Variants in CCDC125 observed in about 807,000 individuals in gnomAD.
CCDC125 encodes the protein coiled-coil domain-containing protein 125.
In CCDC125, 43 loss-of-function variants were observed where a neutral mutation model predicts 57.4. The observed-to-expected ratio is 0.75, with a 90% CI of 0.59 to 0.97. The LOEUF (loss-of-function observed/expected upper bound fraction) is 0.97, where lower values mean the gene tolerates loss of function less well. CCDC125 is among the 50% of genes least tolerant of loss of function. The probability of loss-of-function intolerance (pLI) is 0.00; values close to 1 mark genes in which losing one functional copy is unlikely to be tolerated. For missense variants in CCDC125, 563 were observed against 595.7 expected, an observed-to-expected ratio of 0.95 and a Z score of 0.57; for synonymous variants, 187 against 195.2, an observed-to-expected ratio of 0.96 and a Z score of 0.35.
At chr5:69,276,754 G>T (rs918564930), downstream of CCDC125, 2 of 1,357,980 alleles carry the variant, frequency 1.5e-6, no homozygotes, top group Non-Finnish European at 2.1e-6. Flanking sequence ...CTCGTGTATG[G>T]CTAGCGACTG....
Position 69,313,712 on chromosome 5 carries a change from C to G in CCDC125, c.366+273G>C, listed in dbSNP as rs1419489080. On this transcript the variant is annotated intron_variant, in intron 3 of 11. Coordinates refer to ENST00000396496, the MANE Select transcript of CCDC125 (RefSeq NM_176816.5). Reference sequence around the variant, plus strand: ...GGTCCACATTGCCCACCAGTATCTCCTTGCCCTCCCCTTCAGGATGATGTT... The same window carrying G: ...GGTCCACATTGCCCACCAGTATCTCGTTGCCCTCCCCTTCAGGATGATGTT... 17 of 768,936 alleles carry G rather than the reference C, an allele frequency of 2.2e-5. 1 individual carries two copies. Among genetic ancestry groups the G allele is most frequent in the South Asian group, 5.4e-5 (4 of 74,166 alleles). The allele number at this position is 768,936 out of a possible 1,614,324, so 47.6% of individuals were successfully genotyped here.
intron 7 of CCDC125, among the ~76,000 whole-genome samples, chr5:69,300,800 A>G (rs1324118687): frequency 6.7e-6 from 1 of 150,100 alleles, no homozygotes; most frequent in Non-Finnish European, 1.5e-5. Context: ...CAGCTAAGAC[A>G]CAGCATAAAG....
At chr5:69,330,057 C>T (rs1449187490) in intron 1 of CCDC125, among the ~76,000 whole-genome samples, 1 of 152,150 alleles carries the variant, frequency 6.6e-6, no homozygotes, top group East Asian at 1.9e-4. Context: ...ATTCCTCAGT[C>T]TCCTCTACCT....
At chr5:69,284,002 G>C (rs147088974) in intron 11 of CCDC125, among the ~76,000 whole-genome samples, 26 of 150,510 alleles carry the variant, frequency 1.7e-4, no homozygotes, top group African/African-American at 6.1e-4. Context: ...TGTTAGTCAG[G>C]ATGGTCTCGA....
At chr5:69,291,466 T>C (rs1161949350) in intron 10 of CCDC125, among the ~76,000 whole-genome samples, 1 of 152,138 alleles carries the variant, frequency 6.6e-6, no homozygotes, top group Non-Finnish European at 1.5e-5. Context: ...GCGATTCTTC[T>C]GCCTCAGCCT....
At chr5:69,295,886 C>CTTT (rs35947616) in intron 8 of CCDC125, among the ~76,000 whole-genome samples, 4 of 140,776 alleles carry the variant, frequency 2.8e-5, no homozygotes, top group Admixed American at 1.4e-4. Flanking sequence ...ACACTGACTT[C>CTTT]TTTTTTTTTT....
chr5:69,274,726 C>G, the CCDC125 span, among the ~76,000 whole-genome samples: 1 of 152,064 alleles, frequency 6.6e-6, no homozygotes, highest in Non-Finnish European at 1.5e-5. Context: ...AGCGATTCTC[C>G]TGTCTCAGCC....
chr5:69,331,557 A>G (rs1761429697), intron 1 of CCDC125, among the ~76,000 whole-genome samples: 1 of 152,136 alleles, frequency 6.6e-6, no homozygotes, highest in African/African-American at 2.4e-5. Flanking sequence ...AAATAAAAAT[A>G]AAAATAATGT....
At chr5:69,296,172 G>A (rs1038560875) in intron 8 of CCDC125, among the ~76,000 whole-genome samples, 1 of 151,812 alleles carries the variant, frequency 6.6e-6, no homozygotes, top group Admixed American at 6.6e-5. Context: ...ATGAGCCATC[G>A]CACCCGGCCT....
intron 8 of CCDC125, 26 bp from the exon 9 acceptor site, chr5:69,294,926 G>T: frequency 6.3e-7 from 1 of 1,583,378 alleles, no homozygotes; most frequent in Non-Finnish European, 8.7e-7. Flanking sequence ...CATTGCTCCT[G>T]TTATTAAGTG....
intron 1 of CCDC125, among the ~76,000 whole-genome samples, chr5:69,321,068 AG>A (rs760885603): frequency 2.0e-4 from 31 of 152,338 alleles, no homozygotes; most frequent in Non-Finnish European, 2.2e-4. Flanking sequence ...ACAAAGTCCT[AG>A]TTAGACAGGA....
chr5:69,273,883 AG>A, the CCDC125 span, among the ~76,000 whole-genome samples: 4 of 152,138 alleles, frequency 2.6e-5, no homozygotes, highest in African/African-American at 9.7e-5. Context: ...ATATATATGG[AG>A]ATGGATGGAT....
chr5:69,276,532 T>C (rs759248912), downstream of CCDC125: 1 of 1,611,912 alleles, frequency 6.2e-7, no homozygotes, highest in Non-Finnish European at 8.5e-7. Context: ...TGGTATCTTT[T>C]CTTTTAAAAG....
At chr5:69,302,420 CAAAAAA>C (rs70992918) in intron 7 of CCDC125, among the ~76,000 whole-genome samples, 1 of 30,740 alleles carries the variant, frequency 3.3e-5, no homozygotes, top group Admixed American at 6.7e-4. Flanking sequence ...GACTCCATCT[CAAAAAA>C]AAAAAAAAAA....
At chr5:69,327,878 G>C (rs1760928634) in intron 1 of CCDC125, among the ~76,000 whole-genome samples, 1 of 152,114 alleles carries the variant, frequency 6.6e-6, no homozygotes, top group Admixed American at 6.6e-5. Context: ...GTGCTCCATG[G>C]AACATGTTCT....
chr5:69,274,122 T>C, the CCDC125 span, among the ~76,000 whole-genome samples: 3 of 152,232 alleles, frequency 2.0e-5, no homozygotes, highest in South Asian at 6.2e-4. Context: ...CATTTAATTA[T>C]CTAGAAAGTT....
chr5:69,303,805 CTTTA>C (rs1433721339), intron 7 of CCDC125, 38 bp downstream of exon 7: 2 of 1,109,114 alleles, frequency 1.8e-6, no homozygotes, highest in Middle Eastern at 2.5e-4. Context: ...AGCATGTTAT[CTTTA>C]TTGATACATG....
In CCDC125 at chr5:69,292,190, T is replaced by C. The variant is rs1754563548; in HGVS notation, c.1097A>G (p.Asp366Gly). The C allele has an allele frequency of 6.2e-7, 1 of 1,607,150 alleles. No individual in the cohort carries two copies. Among genetic ancestry groups the C allele is most frequent in the Non-Finnish European group, 8.5e-7 (1 of 1,177,298 alleles). ...KWMNWKHLKE[D>G]GFPSPRSKKT... The stretch of plus-strand genomic sequence containing the variant: ...TTGCCATTATAATTCATAGTTACCA[T>C]CCTCTTTAAGGTGCTTCCAATTCAT... Residue 366 changes from aspartate (D) to glycine (G), a missense_variant and splice_region_variant, in exon 10 of 12, where the codon GAT becomes GGT. Transcript: ENST00000396496.
In CCDC125 at chr5:69,281,284, CCAG is replaced by C; in HGVS notation, c.*1442_*1444del. The C allele has an allele frequency of 6.6e-6, 1 of 152,090 alleles. No individual in the cohort carries two copies. Among genetic ancestry groups the C allele is most frequent in the Non-Finnish European group, 1.5e-5 (1 of 68,074 alleles). 9.4% of individuals were successfully genotyped at this position (152,090 alleles called of 1,614,324 possible). A position where few individuals can be genotyped will look rare whatever the true frequency, so the allele number is the denominator to read the frequency against. ...GCTGAGGCAGGAGGATCCCTTGAGG[CCAG>C]GAGTTTGGCACCAGCCTGAGCAACA... On this transcript the variant is annotated 3_prime_UTR_variant, in exon 12 of 12. Coordinates refer to ENST00000396496, the MANE Select transcript of CCDC125 (RefSeq NM_176816.5).
Sources: allele counts gnomAD v4.1 joint callset (sites outside exome capture counted in the v4.1 genomes callset), GRCh38; gene constraint gnomAD v4.1.1; transcripts MANE v1.5; gene names NCBI Gene and HGNC (gene_info 2026-07-23, HGNC 2026-07-21).